The following ASTN2 variants were observed in gnomAD, a reference collection of about 807,000 sequenced individuals.
The protein encoded by ASTN2 is astrotactin-2.
A neutral mutation model predicts 139.8 loss-of-function variants in ASTN2; 54 were observed. The ratio of observed to expected loss-of-function variants is 0.39; its 90% CI spans 0.31 to 0.48. The LOEUF (loss-of-function observed/expected upper bound fraction) is 0.48, where lower values mean the gene tolerates loss of function less well. Among genes scored for constraint, ASTN2 ranks in the 20% least tolerant of loss-of-function variants. The pLI is 0.95. For synonymous variants in ASTN2, 756 were observed against 719.5 expected (o/e 1.05, Z -0.81); for missense variants, 1,565 against 1,725.1 (o/e 0.91, Z 1.64).
chr9:116,812,955 C>T (rs1461995825), intron 12 of ASTN2, among the ~76,000 whole-genome samples: 2 of 152,056 alleles, frequency 1.3e-5, no homozygotes, highest in East Asian at 3.9e-4. Context: ...GAGCAGTTCT[C>T]CCCCGCCGAG....
chr9:116,646,374 G>T (rs180894740), intron 17 of ASTN2, among the ~76,000 whole-genome samples: 6 of 152,298 alleles, frequency 3.9e-5, no homozygotes, highest in Admixed American at 3.9e-4. Flanking sequence ...ATAGGTCAGG[G>T]CTCTGAAGTG....
intron 14 of ASTN2, among the ~76,000 whole-genome samples, chr9:116,730,204 T>C (rs1406070848): frequency 1.3e-5 from 2 of 152,180 alleles, no homozygotes; most frequent in African/African-American, 2.4e-5. Context: ...GGCAGGCACA[T>C]TTTCTATCCT....
chr9:116,985,446 G>T (rs1457004514), intron 7 of ASTN2, among the ~76,000 whole-genome samples: 1 of 152,186 alleles, frequency 6.6e-6, no homozygotes, highest in Non-Finnish European at 1.5e-5. Flanking sequence ...CAGTCCATAC[G>T]GGGTGGTCAG....
intron 19 of ASTN2, among the ~76,000 whole-genome samples, chr9:116,517,749 A>G (rs1850710494): frequency 2.6e-5 from 4 of 152,140 alleles, no homozygotes; most frequent in African/African-American, 9.7e-5. Context: ...TTGAAGAAAT[A>G]AAAAATATGA....
At chr9:117,318,744 T>C (rs1002248253) in intron 1 of ASTN2, among the ~76,000 whole-genome samples, 27 of 152,128 alleles carry the variant, frequency 1.8e-4, no homozygotes, top group Non-Finnish European at 1.8e-4. Context: ...AATCGAGGGC[T>C]CAAGCAGGTA....
chr9:116,713,023 C>T (rs1828211042), intron 16 of ASTN2, among the ~76,000 whole-genome samples: 2 of 152,086 alleles, frequency 1.3e-5, no homozygotes, highest in Non-Finnish European at 2.9e-5. Context: ...CCTTTGGACA[C>T]ATGGCCTTTT....
intron 1 of ASTN2, among the ~76,000 whole-genome samples, chr9:117,315,388 C>T (rs1274933884): frequency 6.6e-6 from 1 of 152,192 alleles, no homozygotes; most frequent in African/African-American, 2.4e-5. Context: ...AGTGAAGGTG[C>T]ACTGCTTTGC....
chr9:116,900,640 G>C (rs542129603), intron 10 of ASTN2, among the ~76,000 whole-genome samples: 3 of 152,304 alleles, frequency 2.0e-5, no homozygotes, highest in African/African-American at 7.2e-5. Context: ...AGCACACACA[G>C]AATGGAGGCA....
chr9:117,112,371 AC>A (rs1182353730), intron 4 of ASTN2, among the ~76,000 whole-genome samples: 1 of 152,152 alleles, frequency 6.6e-6, no homozygotes, highest in African/African-American at 2.4e-5. Flanking sequence ...TAGACTTAAC[AC>A]TGCTTGTTTT....
At chr9:117,120,012 G>GTA (rs1194137211) in intron 4 of ASTN2, among the ~76,000 whole-genome samples, 1,260 of 68,618 alleles carry the variant, frequency 0.018, 10 homozygotes, top group South Asian at 0.03. Flanking sequence ...GTGTGTGTGT[G>GTA]TGTGTGTATA....
At chr9:117,211,199 A>G (rs1418073284) in intron 3 of ASTN2, among the ~76,000 whole-genome samples, 1 of 152,234 alleles carries the variant, frequency 6.6e-6, no homozygotes, top group Non-Finnish European at 1.5e-5. Context: ...ACAGAAAGAA[A>G]TGACAAACAT....
At chr9:117,407,333 T>C (rs907409053) in intron 1 of ASTN2, among the ~76,000 whole-genome samples, 1 of 152,206 alleles carries the variant, frequency 6.6e-6, no homozygotes, top group Non-Finnish European at 1.5e-5. Context: ...TTATCAGATT[T>C]GGGCTTTTAA....
chr9:117,251,186 A>G (rs1253018311), intron 2 of ASTN2, among the ~76,000 whole-genome samples: 1 of 152,188 alleles, frequency 6.6e-6, no homozygotes, highest in East Asian at 1.9e-4. Context: ...CAGAGATGGA[A>G]GGTCAATCCT....
intron 19 of ASTN2, among the ~76,000 whole-genome samples, chr9:116,567,394 CTCT>C (rs1468629429): frequency 6.6e-6 from 1 of 152,194 alleles, no homozygotes; most frequent in African/African-American, 2.4e-5. Context: ...CCACTGAGTG[CTCT>C]TCTCAGTTGG....
At chr9:116,649,470 A>G (rs536210730) in intron 17 of ASTN2, among the ~76,000 whole-genome samples, 2 of 150,756 alleles carry the variant, frequency 1.3e-5, no homozygotes, top group Admixed American at 1.3e-4. Context: ...GCTACTCCGG[A>G]GGCTGAGGCA....
chr9:116,541,968 C>G (rs2119354215), intron 19 of ASTN2, among the ~76,000 whole-genome samples: 1 of 152,302 alleles, frequency 6.6e-6, no homozygotes, highest in South Asian at 2.1e-4. Context: ...AATTCAATAT[C>G]ACAGCCAGGA....
intron 3 of ASTN2, among the ~76,000 whole-genome samples, chr9:117,160,427 A>G (rs1042669203): frequency 8.4e-5 from 4 of 47,722 alleles, no homozygotes; most frequent in African/African-American, 3.3e-4. Context: ...AGGCCACTGG[A>G]GGGTAATCAC....
chr9:117,042,089 T>C (rs1489533033), intron 5 of ASTN2, among the ~76,000 whole-genome samples: 1 of 152,110 alleles, frequency 6.6e-6, no homozygotes, highest in African/African-American at 2.4e-5. Flanking sequence ...ATGACTCCCA[T>C]AAATGACAGT....
chr9:116,743,401 A>G (rs1829146523), intron 13 of ASTN2, among the ~76,000 whole-genome samples: 1 of 152,146 alleles, frequency 6.6e-6, no homozygotes, highest in Non-Finnish European at 1.5e-5. Flanking sequence ...ATGCAAAAAA[A>G]TTAGCCAGGC....
Sources: gnomAD v4.1 joint callset for allele counts (sites outside exome capture counted in the v4.1 genomes callset) on GRCh38, gnomAD v4.1.1 for gene constraint, MANE v1.5 for transcripts, NCBI Gene and HGNC (gene_info 2026-07-23, HGNC 2026-07-21) for gene names.